The following EDAR variants were observed in gnomAD, a reference collection of about 807,000 sequenced individuals.
The protein encoded by EDAR is tumor necrosis factor receptor superfamily member EDAR.
In EDAR, 38 loss-of-function variants were observed where a neutral mutation model predicts 51.3. The ratio of observed to expected loss-of-function variants is 0.74; its 90% CI spans 0.57 to 0.97. The LOEUF is 0.97. Among genes scored for constraint, EDAR ranks in the 50% least tolerant of loss-of-function variants. The pLI is 0.00. For missense variants in EDAR, 528 were observed against 595.0 expected, an observed-to-expected ratio of 0.89 and a Z score of 1.17; for synonymous variants, 227 against 242.1, an observed-to-expected ratio of 0.94 and a Z score of 0.58.
At chr2:108,929,842 G>C (rs1697331303) in intron 3 of EDAR, among the ~76,000 whole-genome samples, 1 of 152,198 alleles carries the variant, frequency 6.6e-6, no homozygotes, top group Admixed American at 6.5e-5. Context: ...CCAATCAGAT[G>C]ATCTGACGCT....
chr2:108,977,181 C>T (rs985457784), intron 1 of EDAR, among the ~76,000 whole-genome samples: 11 of 152,194 alleles, frequency 7.2e-5, no homozygotes, highest in Non-Finnish European at 1.3e-4. Flanking sequence ...TGCCAACAGG[C>T]CCTGCACCCC....
chr2:108,949,583 A>G (rs532128948), intron 1 of EDAR, among the ~76,000 whole-genome samples: 1 of 152,226 alleles, frequency 6.6e-6, no homozygotes, highest in East Asian at 1.9e-4. Context: ...GCATCATAAA[A>G]TCTTTTTTTT....
At chr2:108,939,835 C>T (rs931938721) in intron 1 of EDAR, among the ~76,000 whole-genome samples, 15 of 152,186 alleles carry the variant, frequency 9.9e-5, no homozygotes, top group Non-Finnish European at 1.5e-5. Context: ...TTTCAGCCTG[C>T]CCTGCCTCCC....
Sources: allele counts gnomAD v4.1 joint callset (sites outside exome capture counted in the v4.1 genomes callset), GRCh38; gene constraint gnomAD v4.1.1; transcripts MANE v1.5; gene names NCBI Gene and HGNC (gene_info 2026-07-23, HGNC 2026-07-21).